Variants in ZKSCAN2 observed in about 807,000 individuals in gnomAD.
The protein encoded by ZKSCAN2 is zinc finger protein with KRAB and SCAN domains 2.
A neutral mutation model predicts 90.5 loss-of-function variants in ZKSCAN2; 38 were observed. The ratio of observed to expected loss-of-function variants is 0.42; its 90% CI spans 0.32 to 0.55. ZKSCAN2 has a LOEUF of 0.55. Ranked by LOEUF, ZKSCAN2 falls within the 20% of genes least tolerant of loss-of-function variation. The pLI is 0.11. For missense variants in ZKSCAN2, 1,167 were observed against 1,202.6 expected (o/e 0.97, Z 0.44); for synonymous variants, 429 against 421.6 (o/e 1.02, Z -0.22).
In ZKSCAN2 at chr16:25,240,410, G is replaced by A. The variant is rs1231178471; in HGVS notation, c.2310C>T (p.His770=). The A allele has an allele frequency of 6.2e-7, 1 of 1,614,186 alleles. No homozygotes were observed. Among genetic ancestry groups the A allele is most frequent in the Non-Finnish European group, 8.5e-7 (1 of 1,180,036 alleles). The stretch of plus-strand genomic sequence containing the variant: ...CACCACACTTGTAAGGATTCTCCTT[G>A]TGGTGGGTCATCCGGCACATCAGAC... ...STRLMCRMTH[H]KENPYKCGVC... is the part of the protein sequence containing the mutation. Residue 770 remains histidine, a synonymous_variant, in exon 7 of 7, where the codon CAC becomes CAT. Transcript: ENST00000328086.
chr16:25,257,383 A>G lies in ZKSCAN2; in HGVS notation c.-256T>C, dbSNP rs1963123427. On this transcript the variant is annotated 5_prime_UTR_variant, in exon 1 of 7. Coordinates refer to ENST00000328086, the MANE Select transcript of ZKSCAN2 (RefSeq NM_001012981.5). ...GTGACCGCGCAATGTGGTTTTCCAGAGTGCATCCCTCTTAGTGCAAAGTCG... is the reference window on the plus strand; with the variant it reads ...GTGACCGCGCAATGTGGTTTTCCAGGGTGCATCCCTCTTAGTGCAAAGTCG... The G allele has an allele frequency of 8.2e-7, 1 of 1,221,124 alleles. No homozygotes were observed. Among genetic ancestry groups the G allele is most frequent in the African/African-American group, 1.6e-5 (1 of 64,270 alleles). The allele number at this position is 1,221,124 out of a possible 1,614,324, so 75.6% of individuals were successfully genotyped here. A position where few individuals can be genotyped will look rare whatever the true frequency, so the allele number is the denominator to read the frequency against.
chr16:25,253,061 T>C (rs2141370072), intron 2 of ZKSCAN2, 24 bp from the exon 3 acceptor site: 1 of 1,580,256 alleles, frequency 6.3e-7, no homozygotes, highest in East Asian at 2.2e-5. Flanking sequence ...AAGAAACGAT[T>C]AGTAATCTGG....
intron 4 of ZKSCAN2, among the ~76,000 whole-genome samples, chr16:25,251,182 G>T (rs1420491890): frequency 6.6e-6 from 1 of 151,928 alleles, no homozygotes; most frequent in Non-Finnish European, 1.5e-5. Context: ...ATATATCAAA[G>T]AAATAAAATT....
rs1456185714 is a variant in ZKSCAN2, at chr16:25,255,371, C to T, written c.421G>A (p.Glu141Lys). Reference protein sequence around the residue: ...RQQVSSPVHREKHSPLGAAWE... With the variant: ...RQQVSSPVHRKKHSPLGAAWE... ...GCTGCTCCAAGTGGGGAGTGCTTCT[C>T]CCGGTGCACGGGACTGCTGACCTGA... is the stretch of plus-strand genomic sequence containing the variant. Residue 141 changes from glutamate to lysine, a missense_variant, in exon 2 of 7, where the codon GAG becomes AAG. Coordinates refer to ENST00000328086, the MANE Select transcript of ZKSCAN2 (RefSeq NM_001012981.5). 11 of 1,612,430 alleles carry T rather than the reference C, an allele frequency of 6.8e-6. No individual in the cohort carries two copies. Among genetic ancestry groups the T allele is most frequent in the Non-Finnish European group, 9.3e-6 (11 of 1,179,862 alleles).
chr16:25,257,207 T>G lies in ZKSCAN2; in HGVS notation c.-80A>C. On this transcript the variant is annotated 5_prime_UTR_variant, in exon 1 of 7. Coordinates refer to ENST00000328086, the MANE Select transcript of ZKSCAN2 (RefSeq NM_001012981.5). Reference sequence around the variant, plus strand: ...ACTCCAAGCGCTCCCTGCTTAATGTTCCTGGGAGTGTGATAAGGTACGGAG... The same window carrying G: ...ACTCCAAGCGCTCCCTGCTTAATGTGCCTGGGAGTGTGATAAGGTACGGAG... 2 of 1,509,668 alleles carry G rather than the reference T, an allele frequency of 1.3e-6. No homozygotes were observed. The allele number at this position is 1,509,668 out of a possible 1,614,324, so 93.5% of individuals were successfully genotyped here.
In ZKSCAN2 at chr16:25,240,006, T is replaced by C. The variant is rs150134367; in HGVS notation, c.2714A>G (p.His905Arg). 5.6e-6 allele frequency: 9 copies of C among 1,614,024 alleles called. No individual in the cohort carries two copies. The highest frequency in any genetic ancestry group is 1.3e-5 in the African/African-American group (1 of 74,918). ...CTTCTCTCCAGTGTGTATTCTCCGATGTTCTCGAAATCTCGTACAGTTATT... is the reference window on the plus strand; with the variant it reads ...CTTCTCTCCAGTGTGTATTCTCCGACGTTCTCGAAATCTCGTACAGTTATT... The part of the protein sequence containing the change: ...SFNNCTRFRE[H>R]RRIHTGEKPY... The change falls in exon 7 of 7, where the codon CAT becomes CGT. Residue 905 changes from histidine (H) to arginine (R), a missense_variant. Coordinates refer to ENST00000328086, the MANE Select transcript of ZKSCAN2 (RefSeq NM_001012981.5).
In ZKSCAN2 at chr16:25,239,814, C is replaced by T. The variant is rs1597637992; in HGVS notation, c.*2G>A. The T allele has an allele frequency of 6.4e-7, 1 of 1,567,864 alleles. No homozygotes were observed. The highest frequency in any genetic ancestry group is 1.9e-5 in the Admixed American group (1 of 51,284). ...GGGGCATTTAGGAAGAGAAGATCAT[C>T]ATCAAAAAGTTTTCCTAAATTCATC... On this transcript the variant is annotated 3_prime_UTR_variant, in exon 7 of 7. Coordinates refer to ENST00000328086, the MANE Select transcript of ZKSCAN2 (RefSeq NM_001012981.5).
At chr16:25,245,436 T>C (rs1185339024) in intron 5 of ZKSCAN2, among the ~76,000 whole-genome samples, 1 of 152,200 alleles carries the variant, frequency 6.6e-6, no homozygotes, top group Non-Finnish European at 1.5e-5. Flanking sequence ...TAGTCATGGA[T>C]ACATTCCCTA....
rs1161547745 is a variant in ZKSCAN2, at chr16:25,257,255, G to A, written c.-128C>T. On this transcript the variant is annotated 5_prime_UTR_variant, in exon 1 of 7. Transcript: ENST00000328086. ...GAGGTAAAAACGGCCAGGTCGGCAG[G>A]AACAGGGTATTCCAGGCTGATTAAT... is the stretch of plus-strand genomic sequence containing the variant. 1 of 1,491,448 alleles carries A rather than the reference G, an allele frequency of 6.7e-7. No individual in the cohort carries two copies. Among genetic ancestry groups the A allele is most frequent in the Non-Finnish European group, 8.9e-7 (1 of 1,128,848 alleles). 92.4% of individuals were successfully genotyped at this position (1,491,448 alleles called of 1,614,324 possible).
rs1962941877 is a variant in ZKSCAN2, at chr16:25,246,894, G to A, written c.1302C>T (p.Ser434=). The A allele has an allele frequency of 7.4e-6, 12 of 1,614,180 alleles. No individual in the cohort carries two copies. The highest frequency in any genetic ancestry group is 1.1e-5 in the South Asian group (1 of 91,082). Residue 434 remains serine (S), a synonymous_variant, in exon 5 of 7, where the codon TCC becomes TCT. Transcript: ENST00000328086. ...GTATCATCTCCTTTGGTTTATCAGT[G>A]GACGGAGCACGGGCTGCAGGGTTCA... ...ALLNPAARAP[S]TDKPKEMIPV... is the part of the protein sequence containing the mutation.
intron 4 of ZKSCAN2, 48 bp downstream of exon 4, chr16:25,251,861 C>T (rs1474027138): frequency 6.9e-6 from 11 of 1,599,568 alleles, no homozygotes; most frequent in Admixed American, 3.4e-5. Context: ...GAAATGAATA[C>T]ATTAGAAAGC....
chr16:25,247,098 G>C lies in ZKSCAN2; in HGVS notation c.1098C>G (p.Ala366=). 1 of 1,614,230 alleles carries C rather than the reference G, an allele frequency of 6.2e-7. No individual in the cohort carries two copies. Among genetic ancestry groups the C allele is most frequent in the Non-Finnish European group, 8.5e-7 (1 of 1,180,052 alleles). The change falls in exon 5 of 7, where the codon GCC becomes GCG. Residue 366 remains alanine, a synonymous_variant. Coordinates refer to ENST00000328086, the MANE Select transcript of ZKSCAN2 (RefSeq NM_001012981.5). ...KESRFYETLQ[A]CPRNSQVYGA... ...CATACACTTGGCTATTTCGGGGACAGGCCTGAAGTGTTTCATAAAAGCGAG... is the reference window on the plus strand; with the variant it reads ...CATACACTTGGCTATTTCGGGGACACGCCTGAAGTGTTTCATAAAAGCGAG...
chr16:25,245,493 C>T (rs887261904), intron 5 of ZKSCAN2, among the ~76,000 whole-genome samples: 1 of 152,044 alleles, frequency 6.6e-6, no homozygotes, highest in Non-Finnish European at 1.5e-5. Context: ...AGGCTGGGTG[C>T]GGTGGCTCAT....
Position 25,240,640 on chromosome 16 carries a change from C to T in ZKSCAN2, c.2080G>A (p.Val694Ile). ...TTGCTGGGGTCGGTACTCTGGGAAA[C>T]AACTCTTTTAGACTTTTCTATTAAT... ...RALIEKSKRV[V>I]SQSTDPSKYR... The change falls in exon 7 of 7, where the codon GTT (valine) becomes ATT (isoleucine). Residue 694 changes from valine to isoleucine, a missense_variant. Transcript: ENST00000328086. 1 of 1,614,172 alleles carries T rather than the reference C, an allele frequency of 6.2e-7. No homozygotes were observed. The highest frequency in any genetic ancestry group is 8.5e-7 in the Non-Finnish European group (1 of 1,180,028).
Position 25,240,250 on chromosome 16 carries a change from T to G in ZKSCAN2, c.2470A>C (p.Ile824Leu), listed in dbSNP as rs745496581. The change falls in exon 7 of 7, where the codon ATC (isoleucine) becomes CTC (leucine). Residue 824 changes from isoleucine (I) to leucine (L), a missense_variant. By Grantham distance (5) the Ile-to-Leu change is conservative. Coordinates refer to ENST00000328086, the MANE Select transcript of ZKSCAN2 (RefSeq NM_001012981.5). ...CTGTAGGGTTTCTCTCCTGTGTGGA[T>G]TCTCTGGTGGGCACCAAAATTTGAG... ...DSSNFGAHQR[I>L]HTGEKPYRCG... The G allele has an allele frequency of 6.2e-7, 1 of 1,612,982 alleles. No homozygotes were observed. The highest frequency in any genetic ancestry group is 1.3e-5 in the African/African-American group (1 of 74,562).
rs1446525827 is a variant in ZKSCAN2, at chr16:25,236,839, G to A, written c.*2977C>T. On this transcript the variant is annotated 3_prime_UTR_variant, in exon 7 of 7. Coordinates refer to ENST00000328086, the MANE Select transcript of ZKSCAN2 (RefSeq NM_001012981.5). ...CGACCCCAGTTTCCAAAATGCCTTC[G>A]ATAAGATGATAGTGAAAAGTTGTCA... 6.6e-6 allele frequency: 1 copy of A among 152,472 alleles called. No homozygotes were observed. Among genetic ancestry groups the A allele is most frequent in the Middle Eastern group, 3.4e-3 (1 of 294 alleles). 9.4% of individuals were successfully genotyped at this position (152,472 alleles called of 1,614,324 possible).
chr16:25,245,888 T>C (rs1004490239), intron 5 of ZKSCAN2, among the ~76,000 whole-genome samples: 2 of 152,236 alleles, frequency 1.3e-5, no homozygotes, highest in African/African-American at 4.8e-5. Context: ...TCATTTATAT[T>C]ATCCTATTTA....
Position 25,239,953 on chromosome 16 carries a change from G to A in ZKSCAN2, c.2767C>T (p.Arg923Cys), listed in dbSNP as rs764792410. The A allele has an allele frequency of 1.1e-5, 18 of 1,614,034 alleles. No individual in the cohort carries two copies. The highest frequency in any genetic ancestry group is 3.3e-4 in the Middle Eastern group (2 of 6,084). ...KPYGCAQCGKRFSKSSVLTKH... is the reference protein window; with the variant it reads ...KPYGCAQCGKCFSKSSVLTKH... ...GTAAGAACAGAACTCTTACTGAAAC[G>A]TTTGCCACACTGGGCACATCCATAG... is the stretch of plus-strand genomic sequence containing the variant. Residue 923 changes from arginine to cysteine, a missense_variant, in exon 7 of 7, where the codon CGT becomes TGT. By Grantham distance (180) the Arg-to-Cys change is radical. Transcript: ENST00000328086.
chr16:25,257,525 G>A lies in ZKSCAN2; in HGVS notation c.-398C>T, dbSNP rs1357789320. 11 of 990,800 alleles carry A rather than the reference G, an allele frequency of 1.1e-5. No homozygotes were observed. Among genetic ancestry groups the A allele is most frequent in the Non-Finnish European group, 1.2e-6 (1 of 833,966 alleles). The allele number at this position is 990,800 out of a possible 1,614,324, so 61.4% of individuals were successfully genotyped here. A position where few individuals can be genotyped will look rare whatever the true frequency, so the allele number is the denominator to read the frequency against. Reference sequence around the variant, plus strand: ...CCGCTACTCCCGGGTCGGGCGCGGAGAGGCGAGTCCCCGAGTGGGTGGGGC... The same window carrying A: ...CCGCTACTCCCGGGTCGGGCGCGGAAAGGCGAGTCCCCGAGTGGGTGGGGC... On this transcript the variant is annotated 5_prime_UTR_variant, in exon 1 of 7. Transcript: ENST00000328086.
Sources: allele counts gnomAD v4.1 joint callset (sites outside exome capture counted in the v4.1 genomes callset), GRCh38; gene constraint gnomAD v4.1.1; transcripts MANE v1.5; gene names NCBI Gene and HGNC (gene_info 2026-07-23, HGNC 2026-07-21).